The following ACAP2 variants were observed in gnomAD, a reference collection of about 807,000 sequenced individuals.
The protein encoded by ACAP2 is ArfGAP with coiled-coil, ankyrin repeat and PH domains 2, also known as arf-GAP with coiled-coil, ANK repeat and PH domain-containing protein 2.
Under a neutral mutation model 115.8 loss-of-function variants are expected in ACAP2, and 39 were observed. The observed-to-expected ratio is 0.34, with a 90% confidence interval of 0.26 to 0.44. The LOEUF (loss-of-function observed/expected upper bound fraction) is 0.44. Ranked by LOEUF, ACAP2 falls within the 20% of genes least tolerant of loss-of-function variation. The probability of loss-of-function intolerance (pLI) is 1.00; values close to 1 mark genes in which losing one functional copy is unlikely to be tolerated. For synonymous variants in ACAP2, 289 were observed against 315.8 expected (o/e 0.92, Z 0.90); for missense variants, 662 against 927.6 (o/e 0.71, Z 3.72).
At chr3:195,439,676 G>A (rs938651351) in intron 1 of ACAP2, among the ~76,000 whole-genome samples, 2 of 151,768 alleles carry the variant, frequency 1.3e-5, no homozygotes, top group African/African-American at 4.8e-5. Flanking sequence ...GCCCAGGCTG[G>A]AGTACAGTGG....
chr3:195,407,576 G>A (rs1712893553), intron 1 of ACAP2, among the ~76,000 whole-genome samples: 2 of 151,956 alleles, frequency 1.3e-5, no homozygotes. Context: ...GCATGGTGGT[G>A]CATGCCTATA....
At chr3:195,334,841 A>G (rs370749241) in intron 7 of ACAP2, among the ~76,000 whole-genome samples, 81 of 152,300 alleles carry the variant, frequency 5.3e-4, no homozygotes, top group African/African-American at 1.8e-3. Context: ...TTATAAATAA[A>G]TCTATCCTAA....
chr3:195,409,734 G>A (rs1377660811), intron 1 of ACAP2, among the ~76,000 whole-genome samples: 1 of 151,758 alleles, frequency 6.6e-6, no homozygotes, highest in Non-Finnish European at 1.5e-5. Flanking sequence ...AAATTAGCTG[G>A]GTGTGGTGGC....
intron 4 of ACAP2, among the ~76,000 whole-genome samples, chr3:195,367,598 G>A (rs1222944225): frequency 6.6e-6 from 1 of 152,104 alleles, no homozygotes; most frequent in African/African-American, 2.4e-5. Flanking sequence ...CTGAATCTGG[G>A]GTGGCTCTGA....
chr3:195,303,126 G>A (rs1210505592), intron 13 of ACAP2, among the ~76,000 whole-genome samples: 1 of 152,212 alleles, frequency 6.6e-6, no homozygotes, highest in Non-Finnish European at 1.5e-5. Flanking sequence ...TGAGACATGA[G>A]AATAGCTTAA....
At position 195,354,108 on chromosome 3, in the gene ACAP2, C is replaced by T. The variant is rs1225117773; in HGVS notation, c.286-8791G>A. On this transcript the variant is annotated intron_variant, in intron 4 of 22. Coordinates refer to ENST00000326793, the MANE Select transcript of ACAP2 (RefSeq NM_012287.6). Reference sequence around the variant, plus strand: ...ACATGTGGTATTTGGTTTTCTGTTCCTGTGTTAGTCTGCTAAGGATAATGG... The same window carrying T: ...ACATGTGGTATTTGGTTTTCTGTTCTTGTGTTAGTCTGCTAAGGATAATGG... 5.9e-5 allele frequency among the ~76,000 whole-genome samples: 9 copies of T among 152,290 alleles called. No individual in the cohort carries two copies. In the East Asian group the frequency reaches 1.5e-3, roughly 26 times the overall value.
At chr3:195,428,586 A>G (rs993122322) in intron 1 of ACAP2, among the ~76,000 whole-genome samples, 6 of 152,156 alleles carry the variant, frequency 3.9e-5, no homozygotes, top group Admixed American at 3.3e-4. Flanking sequence ...CCCAGAGGCT[A>G]TATCATATAC....
intron 2 of ACAP2, among the ~76,000 whole-genome samples, chr3:195,385,288 C>A: frequency 6.7e-6 from 1 of 148,830 alleles, no homozygotes. Context: ...CTTACTGGCA[C>A]ATGGTAATTA....
intron 1 of ACAP2, among the ~76,000 whole-genome samples, chr3:195,401,560 C>T (rs919733401): frequency 2.2e-4 from 33 of 152,078 alleles, no homozygotes; most frequent in Non-Finnish European, 3.7e-4. Context: ...CCAGCTACAC[C>T]GGTTGCTGAG....
Position 195,279,319 on chromosome 3 carries a change from T to C in ACAP2, c.*9A>G. On this transcript the variant is annotated 3_prime_UTR_variant, in exon 23 of 23. Transcript: ENST00000326793. ...ACCAGATTTCATATTTTCCCATTTT[T>C]AAAAAAATTCAGAATTTCTGTGAAT... 1 of 1,578,610 alleles carries C rather than the reference T, an allele frequency of 6.3e-7. No individual in the cohort carries two copies.
chr3:195,279,293 C>T lies in ACAP2; in HGVS notation c.*35G>A. On this transcript the variant is annotated 3_prime_UTR_variant, in exon 23 of 23. Transcript: ENST00000326793. ...TTTTTAGCTGTATACATTAGGGGGTCACCAGATTTCATATTTTCCCATTTT... is the reference window on the plus strand; with the variant it reads ...TTTTTAGCTGTATACATTAGGGGGTTACCAGATTTCATATTTTCCCATTTT... The T allele has an allele frequency of 1.4e-6, 2 of 1,432,520 alleles. No homozygotes were observed. Among genetic ancestry groups the T allele is most frequent in the Non-Finnish European group, 1.9e-6 (2 of 1,026,402 alleles). 88.7% of individuals were successfully genotyped at this position (1,432,520 alleles called of 1,614,324 possible). A position where few individuals can be genotyped will look rare whatever the true frequency, so the allele number is the denominator to read the frequency against.
intron 10 of ACAP2, among the ~76,000 whole-genome samples, chr3:195,315,854 A>T (rs56132877): frequency 0.45 from 68,845 of 151,628 alleles, 17,130 homozygotes; most frequent in Middle Eastern, 0.68. Flanking sequence ...TTTAATATCT[A>T]TGCCAATGTA....
intron 8 of ACAP2, among the ~76,000 whole-genome samples, chr3:195,328,694 C>T (rs1729964900): frequency 6.6e-6 from 1 of 152,158 alleles, no homozygotes; most frequent in African/African-American, 2.4e-5. Flanking sequence ...ACAAGGTAGC[C>T]CTCAAATTCA....
At chr3:195,292,207 T>C in intron 19 of ACAP2, 58 bp downstream of exon 19, 3 of 1,497,828 alleles carry the variant, frequency 2.0e-6, no homozygotes, top group Non-Finnish European at 2.7e-6. Flanking sequence ...TCAGAACATA[T>C]TATGATTTTT....
chr3:195,290,843 A>C (rs1285150385), intron 20 of ACAP2, among the ~76,000 whole-genome samples: 3 of 120,816 alleles, frequency 2.5e-5, no homozygotes, highest in Non-Finnish European at 4.8e-5. Flanking sequence ...TAAATAAATA[A>C]ATAAATAATA....
chr3:195,358,276 C>G (rs988772686), intron 4 of ACAP2, among the ~76,000 whole-genome samples: 1 of 152,130 alleles, frequency 6.6e-6, no homozygotes, highest in African/African-American at 2.4e-5. Context: ...TACAAACAAG[C>G]CCAGACTGTG....
chr3:195,433,235 C>T (rs1715275158), intron 1 of ACAP2, among the ~76,000 whole-genome samples: 1 of 152,088 alleles, frequency 6.6e-6, no homozygotes, highest in Non-Finnish European at 1.5e-5. Flanking sequence ...ATACCTAATG[C>T]AATGTAAATG....
At position 195,278,281 on chromosome 3, in the gene ACAP2, C is replaced by A. The variant is rs796443762; in HGVS notation, c.*1047G>T. ...AAAGAATGTACACTGTGTACAAGTA[C>A]ACAAAATAGATGTAGAAAAAATAAA... On this transcript the variant is annotated 3_prime_UTR_variant, in exon 23 of 23. Coordinates refer to ENST00000326793, the MANE Select transcript of ACAP2 (RefSeq NM_012287.6). 3.6e-4 allele frequency: 55 copies of A among 151,938 alleles called. No homozygotes were observed. Among genetic ancestry groups the A allele is most frequent in the East Asian group, 2.3e-3 (12 of 5,168 alleles). 9.4% of individuals were successfully genotyped at this position (151,938 alleles called of 1,614,324 possible).
chr3:195,431,423 T>C (rs577600657), intron 1 of ACAP2, among the ~76,000 whole-genome samples: 1 of 152,034 alleles, frequency 6.6e-6, no homozygotes, highest in Admixed American at 6.6e-5. Flanking sequence ...ACTCATATGG[T>C]AACTCTATGT....
Sources: allele counts gnomAD v4.1 joint callset (sites outside exome capture counted in the v4.1 genomes callset), GRCh38; gene constraint gnomAD v4.1.1; transcripts MANE v1.5; gene names NCBI Gene and HGNC (gene_info 2026-07-23, HGNC 2026-07-21).